The following CDH18 variants were observed in gnomAD, a reference collection of about 807,000 sequenced individuals.
CDH18 encodes the protein cadherin 18.
In CDH18, 31 loss-of-function variants were observed where a neutral mutation model predicts 67.9. The observed-to-expected ratio is 0.46, with a 90% CI of 0.34 to 0.62. CDH18 has a LOEUF of 0.62. Ranked by LOEUF, CDH18 falls within the 20% of genes least tolerant of loss-of-function variation. The pLI, the probability that CDH18 is intolerant of heterozygous loss-of-function variation, is 0.01. For missense variants in CDH18, 890 were observed against 975.5 expected (o/e 0.91, Z 1.17); for synonymous variants, 362 against 347.2 (o/e 1.04, Z -0.48).
At chr5:20,090,079 G>T (rs946761803) in intron 2 of CDH18, among the ~76,000 whole-genome samples, 2 of 152,164 alleles carry the variant, frequency 1.3e-5, no homozygotes, top group African/African-American at 2.4e-5. Context: ...ATTTCACATG[G>T]TTTATAAATA....
At chr5:19,607,495 A>C (rs1320436104) in intron 6 of CDH18, among the ~76,000 whole-genome samples, 2 of 151,436 alleles carry the variant, frequency 1.3e-5, no homozygotes, top group African/African-American at 4.8e-5. Flanking sequence ...AAAAGTATAA[A>C]AATGTAAAAT....
intron 1 of CDH18, among the ~76,000 whole-genome samples, chr5:20,307,867 G>A (rs1158176341): frequency 6.6e-6 from 1 of 152,024 alleles, no homozygotes; most frequent in African/African-American, 2.4e-5. Context: ...GTCTTAGTTT[G>A]TTTTACAATG....
At chr5:19,860,906 G>A (rs2149978656) in intron 2 of CDH18, among the ~76,000 whole-genome samples, 1 of 152,012 alleles carries the variant, frequency 6.6e-6, no homozygotes, top group East Asian at 1.9e-4. Context: ...ACTCATAATT[G>A]TCTCTCTAAA....
At chr5:19,587,373 G>A (rs1167183760) in intron 7 of CDH18, among the ~76,000 whole-genome samples, 5 of 152,110 alleles carry the variant, frequency 3.3e-5, no homozygotes. Context: ...CTGTGCCTAT[G>A]TCCTGAAAGG....
rs140476377 is a variant in CDH18, at chr5:19,472,728, G to A, written c.*498C>T. 1.2e-3 allele frequency among the ~76,000 whole-genome samples: 180 copies of A among 152,116 alleles called. 2 individuals are homozygous for A. The East Asian group carries it at 0.032, about 27-fold the overall frequency. The stretch of plus-strand genomic sequence containing the variant: ...TCATGTAATATAAACACAAGACAAG[G>A]CTAATGAGATCTGTTATAATAACAG... On this transcript the variant is annotated 3_prime_UTR_variant, in exon 13 of 13. Coordinates refer to ENST00000382275, the MANE Select transcript of CDH18 (RefSeq NM_004934.5).
At chr5:20,219,367 A>G (rs1489226861) in intron 2 of CDH18, among the ~76,000 whole-genome samples, 1 of 151,962 alleles carries the variant, frequency 6.6e-6, no homozygotes, top group East Asian at 1.9e-4. Context: ...TTGGGACACA[A>G]TGTCAACACT....
chr5:20,017,799 C>A, intron 2 of CDH18, among the ~76,000 whole-genome samples: 1 of 152,148 alleles, frequency 6.6e-6, no homozygotes, highest in East Asian at 1.9e-4. Flanking sequence ...TGGATGAAAA[C>A]TTTTCTCTTA....
Position 19,612,440 on chromosome 5 carries a change from G to A in CDH18, c.805C>T (p.Pro269Ser), listed in dbSNP as rs1749129175. ...ATGGAAAACAAATACGTACTTTGAG[G>A]AAAGCGTGGTGGGTTGTCATTGACA... is the stretch of plus-strand genomic sequence containing the variant. Reference protein sequence around the residue: ...TDVNDNPPRFPQKHYQLYVPE... With the variant: ...TDVNDNPPRFSQKHYQLYVPE... Residue 269 changes from proline to serine, a missense_variant, in exon 6 of 13, where the codon CCT (proline) becomes TCT (serine). Transcript: ENST00000382275. 6.2e-7 allele frequency: 1 copy of A among 1,613,814 alleles called. No individual in the cohort carries two copies. The highest frequency in any genetic ancestry group is 8.5e-7 in the Non-Finnish European group (1 of 1,179,910).
chr5:19,986,862 A>G (rs1185560294), intron 1 of CDH18, among the ~76,000 whole-genome samples: 5 of 152,332 alleles, frequency 3.3e-5, no homozygotes, highest in Non-Finnish European at 1.5e-5. Context: ...ACTAAAATAA[A>G]AAAGAACAAT....
intron 2 of CDH18, among the ~76,000 whole-genome samples, chr5:20,074,041 A>G (rs1743715978): frequency 6.6e-6 from 1 of 152,178 alleles, no homozygotes; most frequent in Admixed American, 6.5e-5. Flanking sequence ...TGTCTTACAC[A>G]TAAACCTTTC....
chr5:19,574,206 G>A (rs1357888491), intron 7 of CDH18, among the ~76,000 whole-genome samples: 1 of 152,096 alleles, frequency 6.6e-6, no homozygotes, highest in Non-Finnish European at 1.5e-5. Flanking sequence ...CAAGTTAGAT[G>A]CCATTTGCCT....
chr5:20,305,838 GA>G (rs748829830), intron 1 of CDH18: 68 of 217,304 alleles, frequency 3.1e-4, no homozygotes, highest in Non-Finnish European at 4.1e-4. Flanking sequence ...ACAGTGTTCT[GA>G]ACTGGGTTGA....
intron 7 of CDH18, among the ~76,000 whole-genome samples, chr5:19,573,898 G>T (rs535163148): frequency 6.6e-6 from 1 of 152,272 alleles, no homozygotes. Flanking sequence ...GCTGCATGTG[G>T]AAGGCTTGAT....
At chr5:20,474,471 C>T (rs556192885) in intron 1 of CDH18, among the ~76,000 whole-genome samples, 8 of 152,100 alleles carry the variant, frequency 5.3e-5, no homozygotes, top group African/African-American at 9.7e-5. Context: ...ACCCTGCTCC[C>T]GGCCTATGCT....
At chr5:20,144,254 T>A (rs1417128494) in intron 2 of CDH18, among the ~76,000 whole-genome samples, 1 of 151,706 alleles carries the variant, frequency 6.6e-6, no homozygotes. Flanking sequence ...GTAGGGAGTA[T>A]AGTCCAGATC....
intron 2 of CDH18, among the ~76,000 whole-genome samples, chr5:19,913,623 A>G (rs1056042941): frequency 2.0e-5 from 3 of 152,148 alleles, no homozygotes; most frequent in Admixed American, 1.3e-4. Flanking sequence ...ATGTGCCTAT[A>G]AGAATAGAAA....
intron 2 of CDH18, among the ~76,000 whole-genome samples, chr5:20,105,175 C>A (rs1281086928): frequency 6.6e-6 from 1 of 151,884 alleles, no homozygotes; most frequent in Non-Finnish European, 1.5e-5. Context: ...TTAGTAGAGA[C>A]CGGGTTTCAC....
chr5:20,205,128 A>C (rs1050582037), intron 2 of CDH18, among the ~76,000 whole-genome samples: 1 of 151,942 alleles, frequency 6.6e-6, no homozygotes, highest in Non-Finnish European at 1.5e-5. Flanking sequence ...AAATGAATAT[A>C]GGAACAAGAA....
chr5:19,760,459 C>A (rs892510581), intron 3 of CDH18, among the ~76,000 whole-genome samples: 1 of 152,100 alleles, frequency 6.6e-6, no homozygotes, highest in African/African-American at 2.4e-5. Flanking sequence ...CACGGTGGCC[C>A]ATCTTTTAAT....
Sources: allele counts gnomAD v4.1 joint callset (sites outside exome capture counted in the v4.1 genomes callset), GRCh38; gene constraint gnomAD v4.1.1; transcripts MANE v1.5; gene names NCBI Gene and HGNC (gene_info 2026-07-23, HGNC 2026-07-21).